MSH3: variants seen among roughly 807,000 people sequenced by gnomAD.
The protein encoded by MSH3 is mutS homolog 3, also known as DNA mismatch repair protein Msh3.
A neutral mutation model predicts 123.3 loss-of-function variants in MSH3; 106 were observed. The ratio of observed to expected loss-of-function variants is 0.86; its 90% confidence interval spans 0.73 to 1.01. The LOEUF (loss-of-function observed/expected upper bound fraction) is 1.01, where lower values mean the gene tolerates loss of function less well. MSH3 is among the 50% of genes least tolerant of loss of function. MSH3 has a pLI of 0.00. For synonymous variants in MSH3, 515 were observed against 481.4 expected (o/e 1.07, Z -0.91); for missense variants, 1,459 against 1,347.6 (o/e 1.08, Z -1.29).
At chr5:80,752,111 A>G (rs1453453506) in intron 12 of MSH3, among the ~76,000 whole-genome samples, 4 of 152,008 alleles carry the variant, frequency 2.6e-5, no homozygotes, top group African/African-American at 9.7e-5. Context: ...GTGTTACATT[A>G]ATTTTAGAGA....
At chr5:80,813,546 T>C (rs767450688) in intron 19 of MSH3, 38 bp from the exon 20 acceptor site, 2 of 1,611,578 alleles carry the variant, frequency 1.2e-6, no homozygotes, top group Non-Finnish European at 1.7e-6. Flanking sequence ...TCAAAAACTT[T>C]TCTGGTACAA....
At chr5:80,725,359 T>C (rs568478290) in intron 8 of MSH3, 94 bp from the exon 9 acceptor site, 1 of 826,880 alleles carries the variant, frequency 1.2e-6, no homozygotes, top group South Asian at 1.5e-5. Flanking sequence ...AATAAATCTT[T>C]ATCTTTTTTT....
chr5:80,764,950 G>A (rs549190210), intron 13 of MSH3, among the ~76,000 whole-genome samples: 19 of 152,260 alleles, frequency 1.2e-4, no homozygotes, highest in Non-Finnish European at 4.4e-5. Flanking sequence ...CCTGTGTCCA[G>A]TGAGGCCCTG....
At position 80,768,129 on chromosome 5, in the gene MSH3, C is replaced by T. The variant is rs752910192; in HGVS notation, c.2084+9C>T. On this transcript the variant is annotated intron_variant, in intron 14 of 23. Coordinates refer to ENST00000265081, the MANE Select transcript of MSH3 (RefSeq NM_002439.5). ...AATGAACAAGCTGCCAAGTAAGTACCAGACCCTGAATTCTTCCTTTTCACC... is the reference window on the plus strand; with the variant it reads ...AATGAACAAGCTGCCAAGTAAGTACTAGACCCTGAATTCTTCCTTTTCACC... 3.1e-6 allele frequency: 5 copies of T among 1,611,630 alleles called. No individual in the cohort carries two copies. The highest frequency in any genetic ancestry group is 4.2e-6 in the Non-Finnish European group (5 of 1,177,856).
chr5:80,765,317 G>T (rs1744104292), intron 13 of MSH3, among the ~76,000 whole-genome samples: 1 of 152,044 alleles, frequency 6.6e-6, no homozygotes, highest in East Asian at 1.9e-4. Flanking sequence ...TTGTTAAAAG[G>T]TATCATTAAT....
rs1005760070 is a variant in MSH3 at position 80,656,667 on chromosome 5, G to A, written c.358+136G>A. Reference sequence around the variant, plus strand: ...GGTCCCTTTTGTTCCTGAGCAGAGTGGCCCCCTATAGGTGATGGTGATGTG... The same window carrying A: ...GGTCCCTTTTGTTCCTGAGCAGAGTAGCCCCCTATAGGTGATGGTGATGTG... On this transcript the variant is annotated intron_variant, in intron 2 of 23. Transcript: ENST00000265081. The A allele has an allele frequency of 1.4e-5, 17 of 1,175,638 alleles. No individual in the cohort carries two copies. The African/African-American group carries it at 1.5e-4, about 11-fold the overall frequency. The allele number at this position is 1,175,638 out of a possible 1,614,324, so 72.8% of individuals were successfully genotyped here. A position where few individuals can be genotyped will look rare whatever the true frequency, so the allele number is the denominator to read the frequency against.
chr5:80,820,352 A>C (rs1365570389), intron 20 of MSH3, among the ~76,000 whole-genome samples: 3 of 152,226 alleles, frequency 2.0e-5, no homozygotes, highest in Non-Finnish European at 1.5e-5. Flanking sequence ...TTAGTAATAA[A>C]ATCAGCTAGA....
chr5:80,694,088 G>A (rs1750415575), intron 8 of MSH3, among the ~76,000 whole-genome samples: 1 of 152,168 alleles, frequency 6.6e-6, no homozygotes, highest in Admixed American at 6.5e-5. Context: ...AAGTTCATAT[G>A]GCAGAGATGG....
At chr5:80,725,984 A>G (rs746499765) in intron 9 of MSH3, among the ~76,000 whole-genome samples, 1 of 152,240 alleles carries the variant, frequency 6.6e-6, no homozygotes, top group Non-Finnish European at 1.5e-5. Flanking sequence ...AAGATGGCTC[A>G]TTAGTATCTT....
At chr5:80,751,203 G>T (rs1306432164) in intron 12 of MSH3, among the ~76,000 whole-genome samples, 2 of 152,142 alleles carry the variant, frequency 1.3e-5, no homozygotes, top group African/African-American at 4.8e-5. Flanking sequence ...CATTAACAGG[G>T]ATAAGATATC....
At chr5:80,693,576 C>G in intron 8 of MSH3, among the ~76,000 whole-genome samples, 1 of 143,910 alleles carries the variant, frequency 6.9e-6, no homozygotes, top group Middle Eastern at 3.8e-3. Context: ...AATATATATG[C>G]ACATGTATAT....
chr5:80,777,553 T>G (rs1423054149), intron 16 of MSH3, among the ~76,000 whole-genome samples: 1 of 152,204 alleles, frequency 6.6e-6, no homozygotes, highest in Non-Finnish European at 1.5e-5. Context: ...TGATATAATT[T>G]TAAAGCAACA....
At chr5:80,761,415 C>T in intron 12 of MSH3, 131 bp from the exon 13 acceptor site, 1 of 1,081,390 alleles carries the variant, frequency 9.2e-7, no homozygotes, top group Non-Finnish European at 1.4e-6. Flanking sequence ...ACATGACTAT[C>T]TCAGTATGAA....
At chr5:80,778,865 G>T in intron 17 of MSH3, 29 bp downstream of exon 17, 1 of 1,260,694 alleles carries the variant, frequency 7.9e-7, no homozygotes, top group South Asian at 1.2e-5. Flanking sequence ...AATATAATCT[G>T]ACTTTTTGCT....
intron 8 of MSH3, among the ~76,000 whole-genome samples, chr5:80,693,902 C>T (rs1750410241): frequency 6.6e-6 from 1 of 152,140 alleles, no homozygotes; most frequent in Admixed American, 6.6e-5. Flanking sequence ...TCAAATGATC[C>T]TCCTGCCTTG....
At chr5:80,861,031 C>T (rs534261664) in intron 21 of MSH3, among the ~76,000 whole-genome samples, 1 of 152,276 alleles carries the variant, frequency 6.6e-6, no homozygotes. Context: ...TTAGAATATG[C>T]ATCTCTGTGC....
intron 8 of MSH3, among the ~76,000 whole-genome samples, chr5:80,680,589 C>A (rs1272987835): frequency 4.7e-5 from 7 of 147,906 alleles, no homozygotes; most frequent in African/African-American, 1.7e-4. Context: ...TTTTTTTTAA[C>A]TTTACAATTC....
chr5:80,835,668 A>C (rs1001192625), intron 20 of MSH3, among the ~76,000 whole-genome samples: 1 of 152,122 alleles, frequency 6.6e-6, no homozygotes, highest in Non-Finnish European at 1.5e-5. Context: ...TAATCCTAGC[A>C]CTTTGGGAGC....
chr5:80,667,236 G>A (rs1749592446), intron 3 of MSH3, among the ~76,000 whole-genome samples: 1 of 152,096 alleles, frequency 6.6e-6, no homozygotes, highest in Non-Finnish European at 1.5e-5. Context: ...TACAATGTAA[G>A]AAATATATTT....
Sources: gnomAD v4.1 joint callset for allele counts (sites outside exome capture counted in the v4.1 genomes callset) on GRCh38, gnomAD v4.1.1 for gene constraint, MANE v1.5 for transcripts, NCBI Gene and HGNC (gene_info 2026-07-23, HGNC 2026-07-21) for gene names.